Variants in SPEN observed in about 807,000 individuals in gnomAD.
SPEN encodes the protein spen family transcriptional repressor.
Under a neutral mutation model 269.9 loss-of-function variants are expected in SPEN, and 18 were observed. The observed-to-expected ratio is 0.07, with a 90% CI of 0.05 to 0.10. The LOEUF is 0.10. Among genes scored for constraint, SPEN ranks in the 10% least tolerant of loss-of-function variants. SPEN has a pLI of 1.00. For synonymous variants in SPEN, 1,726 were observed against 1,765.7 expected, an observed-to-expected ratio of 0.98 and a Z score of 0.56; for missense variants, 3,822 against 4,631.2, an observed-to-expected ratio of 0.83 and a Z score of 5.07.
chr1:15,888,921 C>A (rs533133693), intron 3 of SPEN, among the ~76,000 whole-genome samples: 1 of 152,118 alleles, frequency 6.6e-6, no homozygotes, highest in South Asian at 2.1e-4. Flanking sequence ...TGAACCACTG[C>A]GCCCGGCCAA....
At position 15,933,422 on chromosome 1, in the gene SPEN, T is replaced by G; in HGVS notation, c.7182T>G (p.Pro2394=). ...AGAGTGAGAAACCCCATTCCACTCC[T>G]CCTCAGTCATGTACTTCTGACCTAA... The part of the protein sequence containing the change: ...EKQSEKPHST[P]PQSCTSDLSK... The change falls in exon 11 of 15, where the codon CCT becomes CCG. Residue 2394 remains proline, a synonymous_variant. Coordinates refer to ENST00000375759, the MANE Select transcript of SPEN (RefSeq NM_015001.3). This position sits in a 1 kb window ranked among gnomAD's most constrained non-coding sequence, Gnocchi z 5.7. 1 of 1,614,042 alleles carries G rather than the reference T, an allele frequency of 6.2e-7. No individual in the cohort carries two copies. Among genetic ancestry groups the G allele is most frequent in the South Asian group, 1.1e-5 (1 of 91,070 alleles).
chr1:15,868,508 C>T (rs1213160378), intron 1 of SPEN, among the ~76,000 whole-genome samples: 1 of 150,844 alleles, frequency 6.6e-6, no homozygotes, highest in Non-Finnish European at 1.5e-5. Context: ...GATCTTGGCT[C>T]ACTGCAAGCT....
chr1:15,884,793 G>T (rs2070721159), intron 3 of SPEN, among the ~76,000 whole-genome samples: 1 of 150,508 alleles, frequency 6.6e-6, no homozygotes, highest in Admixed American at 6.6e-5. Context: ...GAGTGCAGTG[G>T]TGCAATCTAA....
At chr1:15,919,181 A>G (rs1233478313) in intron 7 of SPEN, 130 bp downstream of exon 7, 8 of 816,548 alleles carry the variant, frequency 9.8e-6, no homozygotes, top group East Asian at 2.7e-5. Flanking sequence ...AAAGTGATAT[A>G]CTTCTTTGCA....
intron 3 of SPEN, among the ~76,000 whole-genome samples, chr1:15,908,121 A>G (rs2070977172): frequency 1.3e-5 from 2 of 152,146 alleles, no homozygotes; most frequent in South Asian, 4.1e-4. Flanking sequence ...CCTACCTGGA[A>G]AATTATTTTG....
At chr1:15,875,826 ATACTT>A (rs2070625690) in intron 2 of SPEN, among the ~76,000 whole-genome samples, 1 of 152,214 alleles carries the variant, frequency 6.6e-6, no homozygotes, top group Non-Finnish European at 1.5e-5. Flanking sequence ...AATTTGGTAT[ATACTT>A]TAATCAGATG....
At chr1:15,886,374 C>T (rs1179866747) in intron 3 of SPEN, among the ~76,000 whole-genome samples, 3 of 152,148 alleles carry the variant, frequency 2.0e-5, no homozygotes, top group African/African-American at 4.8e-5. Context: ...GTTTGTGACT[C>T]GAACCAGCCT....
rs2148698585 is a variant in SPEN at position 15,848,497 on chromosome 1, C to T, written c.83+347C>T. Among the ~76,000 whole-genome samples the T allele has an allele frequency of 6.6e-6, 1 of 152,004 alleles. No individual in the cohort carries two copies. The highest frequency in any genetic ancestry group is 2.4e-5 in the African/African-American group (1 of 41,520). ...TGGGAGATGCGCTGGGCGGCGGGGT[C>T]GCGTCCTTGCGCGCAGTGCCCGGCC... On this transcript the variant is annotated intron_variant, in intron 1 of 14. Coordinates refer to ENST00000375759, the MANE Select transcript of SPEN (RefSeq NM_015001.3). This position sits in a 1 kb window ranked among gnomAD's most constrained non-coding sequence, Gnocchi z 5.1.
At chr1:15,922,226 A>C (rs1165946123) in intron 9 of SPEN, 23 bp from the exon 10 acceptor site, 1 of 1,536,042 alleles carries the variant, frequency 6.5e-7, no homozygotes, top group Admixed American at 1.9e-5. Context: ...ACTTGCATCA[A>C]ACACCTCTTT....
chr1:15,928,800 T>G lies in SPEN; in HGVS notation c.2560T>G (p.Cys854Gly). The change falls in exon 11 of 15, where the codon TGT becomes GGT. Residue 854 changes from cysteine to glycine, a missense_variant. By Grantham distance (159) the Cys-to-Gly change is radical. Transcript: ENST00000375759. This position sits in a 1 kb window ranked among gnomAD's most constrained non-coding sequence, Gnocchi z 5.7. ...REQSPEKPRS[C>G]NKLSREKADK... ...GCAAAGCCCTGAAAAGCCCAGGAGT[T>G]GTAATAAACTGAGCAGAGAGAAAGC... The G allele has an allele frequency of 6.2e-7, 1 of 1,613,994 alleles. No individual in the cohort carries two copies. The highest frequency in any genetic ancestry group is 8.5e-7 in the Non-Finnish European group (1 of 1,180,004).
At chr1:15,893,273 A>C (rs1340657410) in intron 3 of SPEN, among the ~76,000 whole-genome samples, 1 of 152,194 alleles carries the variant, frequency 6.6e-6, no homozygotes. Context: ...GCTTCTAGGC[A>C]TCATTTGTAT....
intron 1 of SPEN, among the ~76,000 whole-genome samples, chr1:15,855,416 T>C (rs72649621): frequency 0.11 from 17,496 of 152,212 alleles, 1,462 homozygotes; most frequent in African/African-American, 0.23. Context: ...TACACATCAT[T>C]TATTTTTCCT....
chr1:15,859,407 G>A (rs2070420063), intron 1 of SPEN, among the ~76,000 whole-genome samples: 2 of 145,430 alleles, frequency 1.4e-5, no homozygotes, highest in Non-Finnish European at 3.0e-5. Flanking sequence ...GCCCAGGCTG[G>A]AGTGCAGTGG....
At chr1:15,887,464 G>C (rs1343211851) in intron 3 of SPEN, among the ~76,000 whole-genome samples, 1 of 150,430 alleles carries the variant, frequency 6.6e-6, no homozygotes, top group East Asian at 2.0e-4. Context: ...TGTATTTTTA[G>C]TAGAGACTGG....
intron 10 of SPEN, among the ~76,000 whole-genome samples, chr1:15,926,760 T>A (rs2071171602): frequency 1.3e-5 from 2 of 151,722 alleles, no homozygotes; most frequent in Admixed American, 1.3e-4. Context: ...CGGCACAATC[T>A]TGACTCACTG....
At chr1:15,919,955 G>C (rs1208723745) in intron 8 of SPEN, among the ~76,000 whole-genome samples, 2 of 151,926 alleles carry the variant, frequency 1.3e-5, no homozygotes, top group Non-Finnish European at 2.9e-5. Flanking sequence ...AACAGGAAAA[G>C]GGTCTCCAGA....
rs181113284 is a variant in SPEN, at chr1:15,865,903, C to T, written c.84-6913C>T. Among the ~76,000 whole-genome samples, 268 of 145,594 alleles carry T rather than the reference C, an allele frequency of 1.8e-3. 2 individuals carry two copies. Among genetic ancestry groups the T allele is most frequent in the South Asian group, 0.012 (56 of 4,624 alleles). ...TTTTTTTTTTTTGGAGATGGAATCT[C>T]ACTCTTGCCCAAACTGTAGTGCAGT... On this transcript the variant is annotated intron_variant, in intron 1 of 14. Coordinates refer to ENST00000375759, the MANE Select transcript of SPEN (RefSeq NM_015001.3).
chr1:15,904,215 T>C (rs186954184), intron 3 of SPEN, among the ~76,000 whole-genome samples: 346 of 152,156 alleles, frequency 2.3e-3, no homozygotes, highest in African/African-American at 8.0e-3. Context: ...CGGTGGCTTA[T>C]GCCTGTAATC....
chr1:15,873,968 T>A (rs1022756619), intron 2 of SPEN: 1 of 1,196,872 alleles, frequency 8.4e-7, no homozygotes, highest in African/African-American at 1.6e-5. Context: ...TGATCAGTTG[T>A]GGATACAGCA....
Sources: allele counts gnomAD v4.1 joint callset (sites outside exome capture counted in the v4.1 genomes callset), GRCh38; gene constraint gnomAD v4.1.1; non-coding constraint Gnocchi (gnomAD v3.1); transcripts MANE v1.5; gene names NCBI Gene and HGNC (gene_info 2026-07-23, HGNC 2026-07-21).